Variants in ZPBP observed in about 807,000 individuals in gnomAD.
The protein encoded by ZPBP is zona pellucida-binding protein 1.
In ZPBP, 26 loss-of-function variants were observed where a neutral mutation model predicts 44.8. That is an observed-to-expected ratio of 0.58 (90% CI 0.43 to 0.81). The LOEUF (loss-of-function observed/expected upper bound fraction) is 0.81, where lower values mean the gene tolerates loss of function less well. Ranked by LOEUF, ZPBP falls within the 30% of genes least tolerant of loss-of-function variation. The pLI, the probability that ZPBP is intolerant of heterozygous loss-of-function variation, is 0.00. For missense variants in ZPBP, 409 were observed against 434.0 expected (o/e 0.94, Z 0.51); for synonymous variants, 174 against 153.2 (o/e 1.14, Z -1.00).
At chr7:49,919,476 A>G (rs1327246812) in intron 1 of ZPBP, 1 of 152,214 alleles carries the variant, frequency 6.6e-6, no homozygotes. Context: ...TTACCATTGT[A>G]TGTTCCAATG....
intron 5 of ZPBP, among the ~76,000 whole-genome samples, chr7:50,029,827 T>A (rs1799513212): frequency 8.2e-6 from 1 of 122,356 alleles, no homozygotes; most frequent in African/African-American, 3.6e-5. Flanking sequence ...CTTTTGTTTT[T>A]TGTTGTTGTT....
Position 50,006,808 on chromosome 7 carries a change from A to C in ZPBP, c.783+11432T>G, listed in dbSNP as rs575671351. 2.6e-5 allele frequency among the ~76,000 whole-genome samples: 4 copies of C among 152,152 alleles called. 1 individual carries two copies. The highest frequency in any genetic ancestry group is 9.6e-5 in the African/African-American group (4 of 41,498). On this transcript the variant is annotated intron_variant, in intron 6 of 7. Coordinates refer to ENST00000046087, the MANE Select transcript of ZPBP (RefSeq NM_007009.3). Reference sequence around the variant, plus strand: ...ACAAAACTGATAAACGTTTAGCTAGATTACCTAAGAAAAAGGGAGAAGAAA... The same window carrying C: ...ACAAAACTGATAAACGTTTAGCTAGCTTACCTAAGAAAAAGGGAGAAGAAA...
At chr7:49,957,675 AC>A (rs1331142625) in intron 7 of ZPBP, among the ~76,000 whole-genome samples, 1 of 152,082 alleles carries the variant, frequency 6.6e-6, no homozygotes, top group Non-Finnish European at 1.5e-5. Flanking sequence ...GTTGTGAACA[AC>A]CTAGGGGCCC....
intron 1 of ZPBP, chr7:49,913,771 A>G (rs1793579929): frequency 6.6e-6 from 1 of 152,214 alleles, no homozygotes; most frequent in South Asian, 2.1e-4. Context: ...AAAAATCATT[A>G]TATAAAAAAT....
chr7:49,873,600 TG>T (rs1791271826), intron 2 of ZPBP, among the ~76,000 whole-genome samples: 1 of 152,160 alleles, frequency 6.6e-6, no homozygotes, highest in Non-Finnish European at 1.5e-5. Flanking sequence ...AGGACTTCTT[TG>T]GAAAAAAGTT....
chr7:49,995,253 A>G (rs1258128629), intron 6 of ZPBP, among the ~76,000 whole-genome samples: 1 of 152,206 alleles, frequency 6.6e-6, no homozygotes, highest in African/African-American at 2.4e-5. Flanking sequence ...CTGACAACCA[A>G]ATTATGACAT....
intron 4 of ZPBP, among the ~76,000 whole-genome samples, chr7:50,033,678 G>GTTTGTTTGTTTATTTATTTATTTA (rs143206693): frequency 4.0e-5 from 6 of 148,714 alleles, no homozygotes; most frequent in Admixed American, 6.7e-5. Context: ...TCTTTCTACA[G>GTTTGTTTGTTTATTTATTTATTTA]TTTATTTATT....
chr7:49,977,128 A>AATAAATAAATAAATAAATAT (rs893295641), intron 7 of ZPBP, among the ~76,000 whole-genome samples: 2 of 151,366 alleles, frequency 1.3e-5, no homozygotes, highest in Non-Finnish European at 2.9e-5. Context: ...TAAATAAATA[A>AATAAATAAATAAATAAATAT]ATAAATAGAA....
At chr7:50,054,940 A>T (rs770999187) in intron 4 of ZPBP, among the ~76,000 whole-genome samples, 6 of 152,262 alleles carry the variant, frequency 3.9e-5, no homozygotes, top group Middle Eastern at 3.4e-3. Flanking sequence ...AAAACTACAA[A>T]ATACCATTAA....
chr7:49,987,475 T>C (rs1292194787), intron 6 of ZPBP, among the ~76,000 whole-genome samples: 1 of 152,204 alleles, frequency 6.6e-6, no homozygotes, highest in African/African-American at 2.4e-5. Flanking sequence ...AATTCCATTT[T>C]GGGAGAGACC....
At chr7:49,887,310 C>T (rs1476650634) in intron 2 of ZPBP, among the ~76,000 whole-genome samples, 2 of 152,174 alleles carry the variant, frequency 1.3e-5, no homozygotes, top group Non-Finnish European at 2.9e-5. Context: ...GGATATTCTG[C>T]ATCATTTGAA....
chr7:49,870,368 C>G (rs541075289), intron 2 of ZPBP, among the ~76,000 whole-genome samples: 8 of 152,184 alleles, frequency 5.3e-5, no homozygotes, highest in Non-Finnish European at 1.2e-4. Flanking sequence ...CCACTGCACT[C>G]CACCCTGGGT....
chr7:50,068,467 T>A (rs753742507), intron 3 of ZPBP, among the ~76,000 whole-genome samples: 1 of 151,856 alleles, frequency 6.6e-6, no homozygotes, highest in Non-Finnish European at 1.5e-5. Flanking sequence ...CTGACATTTA[T>A]CCTTCTAGTG....
intron 1 of ZPBP, among the ~76,000 whole-genome samples, chr7:49,923,444 T>C (rs1463273088): frequency 6.6e-6 from 1 of 152,220 alleles, no homozygotes; most frequent in Non-Finnish European, 1.5e-5. Flanking sequence ...ACTGCCAATT[T>C]AGAATTCCAT....
At chr7:49,847,227 A>G (rs1789976583), downstream of ZPBP, among the ~76,000 whole-genome samples, 1 of 147,378 alleles carries the variant, frequency 6.8e-6, no homozygotes, top group Non-Finnish European at 1.5e-5. Context: ...ATATAATATA[A>G]TATAATATAT....
intron 7 of ZPBP, chr7:49,940,904 G>T (rs1295880621): frequency 6.5e-6 from 3 of 462,902 alleles, no homozygotes; most frequent in Non-Finnish European, 8.5e-6. Flanking sequence ...TGGGGCAAGA[G>T]ATTTCCTGAA....
Position 50,030,146 on chromosome 7 carries a change from C to A in ZPBP, c.706+946G>T, listed in dbSNP as rs1799537424. On this transcript the variant is annotated intron_variant, in intron 5 of 7. Coordinates refer to ENST00000046087, the MANE Select transcript of ZPBP (RefSeq NM_007009.3). The stretch of plus-strand genomic sequence containing the variant: ...CTGAACCTGAAGAGAGCCAAACTTT[C>A]AGGTTTTCTAAGGACTGATCTACCT... 2.0e-5 allele frequency among the ~76,000 whole-genome samples: 3 copies of A among 152,202 alleles called. No individual in the cohort carries two copies. The South Asian group carries it at 6.2e-4, about 32-fold the overall frequency.
At chr7:49,966,218 G>A (rs1163534756) in intron 7 of ZPBP, among the ~76,000 whole-genome samples, 2 of 151,944 alleles carry the variant, frequency 1.3e-5, no homozygotes, top group Non-Finnish European at 2.9e-5. Context: ...AAAATAAGTA[G>A]ACATAAAATC....
intron 2 of ZPBP, among the ~76,000 whole-genome samples, chr7:49,889,579 G>T (rs749709807): frequency 6.6e-6 from 1 of 152,132 alleles, no homozygotes; most frequent in Admixed American, 6.5e-5. Flanking sequence ...AAAGAGGAGC[G>T]GCTACAGGGT....
Sources: allele counts gnomAD v4.1 joint callset (sites outside exome capture counted in the v4.1 genomes callset), GRCh38; gene constraint gnomAD v4.1.1; transcripts MANE v1.5; gene names NCBI Gene and HGNC (gene_info 2026-07-23, HGNC 2026-07-21).